The following KLHL1 variants were observed in gnomAD, a reference collection of about 807,000 sequenced individuals.
KLHL1 encodes kelch like family member 1.
In KLHL1, 47 loss-of-function variants were observed where a neutral mutation model predicts 77.7. The observed-to-expected ratio is 0.60, with a 90% CI of 0.48 to 0.77. KLHL1 has a LOEUF of 0.77. KLHL1 is among the 30% of genes least tolerant of loss of function. KLHL1 has a pLI of 0.00. For missense variants in KLHL1, 925 were observed against 910.8 expected (o/e 1.02, Z -0.20); for synonymous variants, 360 against 325.2 (o/e 1.11, Z -1.15).
intron 8 of KLHL1, among the ~76,000 whole-genome samples, chr13:69,731,358 T>C (rs80348453): frequency 6.0e-4 from 92 of 152,306 alleles, no homozygotes; most frequent in African/African-American, 2.1e-3. Context: ...AATATTTTAA[T>C]TCCTTCTAGA....
chr13:70,068,364 CAAA>C (rs1394560330), intron 1 of KLHL1, among the ~76,000 whole-genome samples: 1 of 114,602 alleles, frequency 8.7e-6, no homozygotes, highest in African/African-American at 3.1e-5. Context: ...AAAACAAAAA[CAAA>C]AACAAAAAAA....
intron 7 of KLHL1, among the ~76,000 whole-genome samples, chr13:69,781,731 C>CTGAT (rs1347805100): frequency 3.9e-5 from 6 of 152,142 alleles, no homozygotes; most frequent in Non-Finnish European, 5.9e-5. Flanking sequence ...CATTGTTTTT[C>CTGAT]TGATTGATTG....
At chr13:69,979,970 C>A (rs1037055104) in intron 1 of KLHL1, among the ~76,000 whole-genome samples, 1 of 152,174 alleles carries the variant, frequency 6.6e-6, no homozygotes, top group African/African-American at 2.4e-5. Flanking sequence ...TATTGCAATT[C>A]GACTTCCATA....
chr13:69,987,948 CT>C (rs1188500067), intron 1 of KLHL1, among the ~76,000 whole-genome samples: 5 of 151,080 alleles, frequency 3.3e-5, no homozygotes, highest in African/African-American at 7.3e-5. Context: ...TTTCAATTTT[CT>C]TTTTTTTTAA....
At chr13:70,074,402 A>C (rs1403457971) in intron 1 of KLHL1, among the ~76,000 whole-genome samples, 1 of 151,938 alleles carries the variant, frequency 6.6e-6, no homozygotes, top group Admixed American at 6.6e-5. Flanking sequence ...ATGCCCAACT[A>C]TATTTACTGT....
chr13:69,943,747 C>G (rs1883434995), intron 3 of KLHL1, among the ~76,000 whole-genome samples: 1 of 151,976 alleles, frequency 6.6e-6, no homozygotes, highest in African/African-American at 2.4e-5. Flanking sequence ...GATTATAACA[C>G]TTTTTTATTC....
chr13:69,784,761 T>C (rs1238859020), intron 7 of KLHL1, among the ~76,000 whole-genome samples: 6 of 151,424 alleles, frequency 4.0e-5, no homozygotes, highest in African/African-American at 1.5e-4. Flanking sequence ...CCACTGTCAA[T>C]ATTAGACAGA....
intron 6 of KLHL1, among the ~76,000 whole-genome samples, chr13:69,807,316 G>A (rs1877658139): frequency 6.6e-6 from 1 of 152,040 alleles, no homozygotes; most frequent in Non-Finnish European, 1.5e-5. Flanking sequence ...GCCCACCCTT[G>A]GCCTGAGCTT....
At chr13:70,080,583 A>G (rs1173903095) in intron 1 of KLHL1, among the ~76,000 whole-genome samples, 3 of 151,700 alleles carry the variant, frequency 2.0e-5, no homozygotes, top group South Asian at 2.1e-4. Flanking sequence ...ATTTTACTCT[A>G]TTTATTTTAC....
chr13:69,864,128 T>G (rs1880277408), intron 5 of KLHL1, among the ~76,000 whole-genome samples: 2 of 151,912 alleles, frequency 1.3e-5, no homozygotes, highest in Non-Finnish European at 2.9e-5. Flanking sequence ...ATAGCATCTA[T>G]CTCTTACTCC....
intron 4 of KLHL1, among the ~76,000 whole-genome samples, chr13:69,888,214 C>T (rs1260542874): frequency 6.6e-6 from 1 of 152,072 alleles, no homozygotes; most frequent in Non-Finnish European, 1.5e-5. Context: ...AGGCAGAGCC[C>T]TTATGACCCA....
intron 8 of KLHL1, among the ~76,000 whole-genome samples, chr13:69,735,856 ATAAC>A (rs1404745595): frequency 2.0e-5 from 3 of 151,982 alleles, no homozygotes; most frequent in South Asian, 2.1e-4. Context: ...AATTTAGAGG[ATAAC>A]TAACTAAAAG....
chr13:69,709,697 G>A (rs1875790249), intron 9 of KLHL1, among the ~76,000 whole-genome samples: 1 of 151,874 alleles, frequency 6.6e-6, no homozygotes. Context: ...ATTCAATAAT[G>A]TTTTGGGTTG....
chr13:69,848,296 T>G (rs1161860452), intron 5 of KLHL1, among the ~76,000 whole-genome samples: 2 of 151,540 alleles, frequency 1.3e-5, no homozygotes, highest in African/African-American at 2.4e-5. Context: ...ACTTCATTAG[T>G]GACTATTTGA....
chr13:69,740,247 C>T (rs975640669), intron 8 of KLHL1, 147 bp downstream of exon 8: 4 of 570,490 alleles, frequency 7.0e-6, no homozygotes, highest in Non-Finnish European at 1.2e-5. Context: ...AGAGAGAGCA[C>T]CAGTCTTTAT....
chr13:69,739,976 T>C (rs1399976590), intron 8 of KLHL1, among the ~76,000 whole-genome samples: 1 of 152,164 alleles, frequency 6.6e-6, no homozygotes, highest in Non-Finnish European at 1.5e-5. Context: ...AAGACTTCTT[T>C]CAACAAAGAC....
chr13:69,702,190 A>G lies in KLHL1; in HGVS notation c.2188-429T>C, dbSNP rs1875425443. The stretch of plus-strand genomic sequence containing the variant: ...TTCCCCAGATATTGTATTGAATTTA[A>G]TGTGTTATTCATTCACTCTAGACAG... On this transcript the variant is annotated intron_variant, in intron 10 of 10. Coordinates refer to ENST00000377844, the MANE Select transcript of KLHL1 (RefSeq NM_020866.3). Among the ~76,000 whole-genome samples the G allele has an allele frequency of 2.6e-5, 4 of 151,648 alleles. No individual in the cohort carries two copies. In the Admixed American group the frequency reaches 2.6e-4, roughly 10 times the overall value.
chr13:69,961,245 C>T, intron 3 of KLHL1, 63 bp downstream of exon 3: 1 of 1,507,526 alleles, frequency 6.6e-7, no homozygotes, highest in Non-Finnish European at 9.1e-7. Flanking sequence ...AAATCCTGTA[C>T]TTAAAGGAAA....
At chr13:70,006,982 A>T (rs1468427484) in intron 1 of KLHL1, among the ~76,000 whole-genome samples, 1 of 152,008 alleles carries the variant, frequency 6.6e-6, no homozygotes, top group African/African-American at 2.4e-5. Flanking sequence ...ATAGTTAATA[A>T]AAGTTGATAA....
Sources: allele counts gnomAD v4.1 joint callset (sites outside exome capture counted in the v4.1 genomes callset), GRCh38; gene constraint gnomAD v4.1.1; transcripts MANE v1.5; gene names NCBI Gene and HGNC (gene_info 2026-07-23, HGNC 2026-07-21).